The following RBFOX1 variants were observed in gnomAD, a reference collection of about 807,000 sequenced individuals.
RBFOX1 encodes RNA binding fox-1 homolog 1, also known as RNA binding protein fox-1 homolog 1.
A neutral mutation model predicts 57.7 loss-of-function variants in RBFOX1; 8 were observed. The ratio of observed to expected loss-of-function variants is 0.14; its 90% confidence interval spans 0.08 to 0.25. The LOEUF (loss-of-function observed/expected upper bound fraction) is 0.25, where lower values mean the gene tolerates loss of function less well. Ranked by LOEUF, RBFOX1 falls within the 10% of genes least tolerant of loss-of-function variation. RBFOX1 has a pLI of 1.00. For missense variants in RBFOX1, 611 were observed against 548.5 expected, an observed-to-expected ratio of 1.11 and a Z score of -1.14; for synonymous variants, 326 against 222.4, an observed-to-expected ratio of 1.47 and a Z score of -4.15.
At chr16:7,514,699 G>T (rs961751162) in intron 4 of RBFOX1, among the ~76,000 whole-genome samples, 6 of 152,160 alleles carry the variant, frequency 3.9e-5, no homozygotes, top group Admixed American at 2.0e-4. Context: ...TAAATGTGAA[G>T]ACTTGATGGG....
At chr16:7,239,869 C>T (rs2093968279) in intron 4 of RBFOX1, among the ~76,000 whole-genome samples, 1 of 147,012 alleles carries the variant, frequency 6.8e-6, no homozygotes, top group Non-Finnish European at 1.5e-5. Flanking sequence ...AAACTGGGCC[C>T]ATAGAGTTCG....
intron 10 of RBFOX1, among the ~76,000 whole-genome samples, chr16:7,630,240 G>A (rs554605358): frequency 2.0e-5 from 3 of 152,150 alleles, no homozygotes; most frequent in African/African-American, 4.8e-5. Context: ...ATCACACAGT[G>A]AAGAGGTGTC....
intron 1 of RBFOX1, among the ~76,000 whole-genome samples, chr16:6,129,594 G>GATAGA (rs955135182): frequency 1.3e-5 from 2 of 151,452 alleles, no homozygotes; most frequent in African/African-American, 4.8e-5. Flanking sequence ...GAGAGAATAG[G>GATAGA]ATAGAAAAAA....
At chr16:7,472,620 TCTC>T (rs1395641576) in intron 4 of RBFOX1, among the ~76,000 whole-genome samples, 1 of 152,158 alleles carries the variant, frequency 6.6e-6, no homozygotes, top group Non-Finnish European at 1.5e-5. Context: ...ATTCAGTTCT[TCTC>T]CTCCGAGACT....
At chr16:5,827,497 G>T (rs1301130528) in intron 3 of RBFOX1, among the ~76,000 whole-genome samples, 1 of 150,838 alleles carries the variant, frequency 6.6e-6, no homozygotes, top group Non-Finnish European at 1.5e-5. Flanking sequence ...TATGCACCCC[G>T]AGAACTCCCT....
chr16:5,535,989 C>A (rs2044677746), intron 2 of RBFOX1, among the ~76,000 whole-genome samples: 1 of 152,102 alleles, frequency 6.6e-6, no homozygotes, highest in Non-Finnish European at 1.5e-5. Context: ...AAAGTTTGTA[C>A]AGCCACACAC....
chr16:6,796,226 C>G (rs564173538), intron 3 of RBFOX1, among the ~76,000 whole-genome samples: 12 of 152,234 alleles, frequency 7.9e-5, no homozygotes, highest in East Asian at 3.9e-4. Context: ...GACTTATTCA[C>G]TATGAAGAGA....
At chr16:7,268,828 G>A (rs1288360113) in intron 4 of RBFOX1, among the ~76,000 whole-genome samples, 1 of 151,920 alleles carries the variant, frequency 6.6e-6, no homozygotes, top group Non-Finnish European at 1.5e-5. Flanking sequence ...CACGAGGTCA[G>A]GAGTTCGATA....
chr16:5,383,753 G>C (rs1446594677), intron 1 of RBFOX1, among the ~76,000 whole-genome samples: 1 of 152,206 alleles, frequency 6.6e-6, no homozygotes, highest in East Asian at 1.9e-4. Flanking sequence ...GAGGACCTCA[G>C]CCATTCCCTA....
chr16:5,612,329 C>G (rs1014843002), intron 3 of RBFOX1, among the ~76,000 whole-genome samples: 4 of 145,566 alleles, frequency 2.7e-5, no homozygotes, highest in African/African-American at 7.4e-5. Context: ...ATCCACCTAT[C>G]CACCACTCCA....
intron 3 of RBFOX1, among the ~76,000 whole-genome samples, chr16:6,808,178 GTA>G (rs71145298): frequency 0.057 from 8,261 of 145,148 alleles, 517 homozygotes; most frequent in African/African-American, 0.16. Context: ...GTGTGTGTGT[GTA>G]TATATATATA....
At chr16:5,600,057 A>AGGT (rs1251595781) in exon 3 of RBFOX1, 1 of 150,186 alleles carries the variant, frequency 6.7e-6, no homozygotes, top group Non-Finnish European at 1.5e-5. Flanking sequence ...TGGGAGGCTG[A>AGGT]GGTGGGCTGA....
chr16:5,425,845 C>T (rs962276602), intron 1 of RBFOX1, among the ~76,000 whole-genome samples: 1 of 152,174 alleles, frequency 6.6e-6, no homozygotes, highest in Admixed American at 6.5e-5. Context: ...CATTCCAGCT[C>T]TTAGAGGTAA....
chr16:5,629,705 C>T (rs910261714), intron 3 of RBFOX1, among the ~76,000 whole-genome samples: 3 of 152,204 alleles, frequency 2.0e-5, no homozygotes, highest in African/African-American at 7.2e-5. Flanking sequence ...TTCCTTTCAG[C>T]TTAAGGTTGT....
chr16:6,930,498 C>G (rs908740178), intron 3 of RBFOX1, among the ~76,000 whole-genome samples: 1 of 151,236 alleles, frequency 6.6e-6, no homozygotes, highest in African/African-American at 2.4e-5. Flanking sequence ...CAACCTCTGC[C>G]TTCTGGGTTC....
chr16:6,713,540 CT>C (rs1358221813), intron 3 of RBFOX1, among the ~76,000 whole-genome samples: 1 of 152,086 alleles, frequency 6.6e-6, no homozygotes, highest in Non-Finnish European at 1.5e-5. Context: ...GTAAAACCCC[CT>C]CCCCAGTTGA....
chr16:7,362,260 A>ATGTG (rs1376382538), intron 4 of RBFOX1, among the ~76,000 whole-genome samples: 1 of 142,030 alleles, frequency 7.0e-6, no homozygotes, highest in Admixed American at 7.0e-5. Context: ...TTTTGTTAGT[A>ATGTG]TGTGTGTTTT....
At chr16:6,586,328 C>T (rs952958329) in intron 2 of RBFOX1, among the ~76,000 whole-genome samples, 3 of 152,156 alleles carry the variant, frequency 2.0e-5, no homozygotes, top group African/African-American at 7.2e-5. Context: ...AACATTCATT[C>T]CTAAGATACC....
intron 3 of RBFOX1, among the ~76,000 whole-genome samples, chr16:6,740,815 A>G (rs1317200346): frequency 6.6e-6 from 1 of 152,194 alleles, no homozygotes; most frequent in Non-Finnish European, 1.5e-5. Flanking sequence ...CACAGAGGTA[A>G]TGCAATCATT....
Sources: allele counts gnomAD v4.1 joint callset (sites outside exome capture counted in the v4.1 genomes callset), GRCh38; gene constraint gnomAD v4.1.1; transcripts MANE v1.5; gene names NCBI Gene and HGNC (gene_info 2026-07-23, HGNC 2026-07-21).